MAP2K5: variants seen among roughly 807,000 people sequenced by gnomAD.
The protein encoded by MAP2K5 is mitogen-activated protein kinase kinase 5.
A neutral mutation model predicts 83.1 loss-of-function variants in MAP2K5; 49 were observed. The observed-to-expected ratio is 0.59, with a 90% CI of 0.47 to 0.75. The LOEUF (loss-of-function observed/expected upper bound fraction) is 0.75. MAP2K5 is among the 30% of genes least tolerant of loss of function. The pLI is 0.00. For synonymous variants in MAP2K5, 202 were observed against 191.8 expected (o/e 1.05, Z -0.44); for missense variants, 457 against 557.5 (o/e 0.82, Z 1.82).
chr15:67,690,438 T>A lies in MAP2K5; in HGVS notation c.848-2041T>A, dbSNP rs997381313. 1.3e-5 allele frequency among the ~76,000 whole-genome samples: 2 copies of A among 152,118 alleles called. No individual in the cohort carries two copies. The highest frequency in any genetic ancestry group is 2.9e-5 in the Non-Finnish European group (2 of 68,016). On this transcript the variant is annotated intron_variant, in intron 13 of 21. Transcript: ENST00000178640. The surrounding 1 kb of genome is among the most constrained non-coding windows in gnomAD (Gnocchi z 4.3). ...TGTAGTGAAAGTGGTATATTTAAGG[T>A]TTAATATGATGATGGTATAAGAATT...
At chr15:67,712,583 G>A (rs62016228) in intron 16 of MAP2K5, among the ~76,000 whole-genome samples, 34 of 152,262 alleles carry the variant, frequency 2.2e-4, no homozygotes, top group African/African-American at 6.7e-4. Context: ...TGTAACAAAA[G>A]GAACTTTCAG....
At position 67,769,751 on chromosome 15, in the gene MAP2K5, C is replaced by A; in HGVS notation, c.1196+88C>A. 7.4e-7 allele frequency: 1 copy of A among 1,342,578 alleles called. No homozygotes were observed. Among genetic ancestry groups the A allele is most frequent in the Non-Finnish European group, 1.1e-6 (1 of 943,310 alleles). The allele number at this position is 1,342,578 out of a possible 1,614,324, so 83.2% of individuals were successfully genotyped here. ...GCTCCGTGAGACCTTATGGCTCTCC[C>A]TGCATCCTTTTGGAGACAGGAGGGA... is the stretch of plus-strand genomic sequence containing the variant. On this transcript the variant is annotated intron_variant, in intron 20 of 21. Coordinates refer to ENST00000178640, the MANE Select transcript of MAP2K5 (RefSeq NM_145160.3). The surrounding 1 kb of genome is among the most constrained non-coding windows in gnomAD (Gnocchi z 5.2).
At chr15:67,634,224 C>T (rs543182322) in intron 9 of MAP2K5, among the ~76,000 whole-genome samples, 2 of 151,172 alleles carry the variant, frequency 1.3e-5, no homozygotes, top group African/African-American at 4.8e-5. Flanking sequence ...AATAAATTAG[C>T]TGGGCATGGT....
At chr15:67,673,449 A>C (rs2087598232) in intron 13 of MAP2K5, among the ~76,000 whole-genome samples, 2 of 152,210 alleles carry the variant, frequency 1.3e-5, no homozygotes, top group Non-Finnish European at 2.9e-5. Context: ...ATTATATTCC[A>C]AAATTATTTT....
intron 13 of MAP2K5, among the ~76,000 whole-genome samples, chr15:67,670,728 GA>G (rs954599299): frequency 1.3e-5 from 2 of 150,488 alleles, no homozygotes; most frequent in Non-Finnish European, 3.0e-5. Flanking sequence ...CCCACCCCAA[GA>G]AAAAAAACCA....
chr15:67,660,180 G>T (rs1704071856), intron 12 of MAP2K5, among the ~76,000 whole-genome samples: 1 of 5,252 alleles, frequency 1.9e-4, no homozygotes, highest in African/African-American at 2.1e-4. Context: ...TGGAGTAGAA[G>T]AAATGTTTTT....
At chr15:67,728,124 C>T (rs1187280982) in intron 17 of MAP2K5, among the ~76,000 whole-genome samples, 179 bp downstream of exon 17, 2 of 152,016 alleles carry the variant, frequency 1.3e-5, no homozygotes, top group Admixed American at 6.6e-5. Context: ...TTTTAAACTC[C>T]TGATTTTTTC....
At chr15:67,789,281 AT>A (rs950003966) in intron 21 of MAP2K5, among the ~76,000 whole-genome samples, 1 of 152,050 alleles carries the variant, frequency 6.6e-6, no homozygotes, top group Non-Finnish European at 1.5e-5. Flanking sequence ...CCATTTCCAT[AT>A]TTTTTTGTTA....
chr15:67,651,868 A>G (rs1254273148), intron 11 of MAP2K5, among the ~76,000 whole-genome samples: 3 of 152,228 alleles, frequency 2.0e-5, no homozygotes, highest in Non-Finnish European at 4.4e-5. Flanking sequence ...TCTTTTGGAT[A>G]TATACCCAAT....
chr15:67,711,923 A>G (rs931235436), intron 16 of MAP2K5, among the ~76,000 whole-genome samples: 1 of 152,242 alleles, frequency 6.6e-6, no homozygotes, highest in Non-Finnish European at 1.5e-5. Flanking sequence ...CAATTATGAT[A>G]AGACTAGTTA....
At chr15:67,772,970 T>C (rs1234310818) in intron 21 of MAP2K5, among the ~76,000 whole-genome samples, 1 of 152,226 alleles carries the variant, frequency 6.6e-6, no homozygotes, top group Non-Finnish European at 1.5e-5. Context: ...TGCAGAGCTC[T>C]TTTCATTTGC....
At chr15:67,799,953 G>A (rs965073058) in intron 21 of MAP2K5, among the ~76,000 whole-genome samples, 3 of 152,166 alleles carry the variant, frequency 2.0e-5, no homozygotes, top group Non-Finnish European at 4.4e-5. Flanking sequence ...GGGCGGTGGG[G>A]GGGATTGTTA....
intron 8 of MAP2K5, among the ~76,000 whole-genome samples, chr15:67,614,801 A>G (rs1258399713): frequency 6.6e-6 from 1 of 152,218 alleles, no homozygotes; most frequent in Non-Finnish European, 1.5e-5. Context: ...CGGAGTAAAC[A>G]GAAAGAAGAA....
chr15:67,739,383 G>A (rs2089417921), intron 17 of MAP2K5, among the ~76,000 whole-genome samples: 3 of 132,754 alleles, frequency 2.3e-5, no homozygotes, highest in African/African-American at 8.4e-5. Flanking sequence ...TTACAGTCAA[G>A]CCAGTAAGAC....
rs192645189 is a variant in MAP2K5, at chr15:67,597,093, C to T, written c.481-3592C>T. Among the ~76,000 whole-genome samples, 847 of 150,178 alleles carry T rather than the reference C, an allele frequency of 5.6e-3. 5 individuals carry two copies. Among genetic ancestry groups the T allele is most frequent in the African/African-American group, 0.018 (727 of 40,894 alleles). On this transcript the variant is annotated intron_variant, in intron 7 of 21. Coordinates refer to ENST00000178640, the MANE Select transcript of MAP2K5 (RefSeq NM_145160.3). ...CTAAGGCAGGAGAATGGCGTGAACCCGGGAGGCGGAGCTTGCAGTGAGCCG... is the reference window on the plus strand; with the variant it reads ...CTAAGGCAGGAGAATGGCGTGAACCTGGGAGGCGGAGCTTGCAGTGAGCCG...
At chr15:67,549,925 C>A in intron 1 of MAP2K5, 109 bp from the exon 2 acceptor site, 1 of 784,330 alleles carries the variant, frequency 1.3e-6, no homozygotes, top group Non-Finnish European at 2.2e-6. Flanking sequence ...ATAGTTTATG[C>A]TAACGTTTCA....
intron 21 of MAP2K5, among the ~76,000 whole-genome samples, chr15:67,788,454 T>C (rs1437863030): frequency 2.6e-5 from 4 of 152,202 alleles, no homozygotes; most frequent in African/African-American, 9.7e-5. Context: ...TGAAGGTAGA[T>C]GGGTAAGAGA....
intron 4 of MAP2K5, among the ~76,000 whole-genome samples, chr15:67,583,954 G>T (rs950754966): frequency 6.8e-6 from 1 of 147,838 alleles, no homozygotes; most frequent in Non-Finnish European, 1.5e-5. Flanking sequence ...TCACAGTGTT[G>T]CCCAGGCTGG....
intron 16 of MAP2K5, among the ~76,000 whole-genome samples, chr15:67,710,480 T>A (rs2088663325): frequency 2.0e-5 from 3 of 148,610 alleles, no homozygotes; most frequent in Non-Finnish European, 4.4e-5. Context: ...GTCATCCAAG[T>A]AACATCATCT....
Sources: allele counts gnomAD v4.1 joint callset (sites outside exome capture counted in the v4.1 genomes callset), GRCh38; gene constraint gnomAD v4.1.1; non-coding constraint Gnocchi (gnomAD v3.1); transcripts MANE v1.5; gene names NCBI Gene and HGNC (gene_info 2026-07-23, HGNC 2026-07-21).